The following ARAP3 variants were observed in gnomAD, a reference collection of about 807,000 sequenced individuals.
The protein encoded by ARAP3 is arf-GAP with Rho-GAP domain, ANK repeat and PH domain-containing protein 3.
Under a neutral mutation model 169.2 loss-of-function variants are expected in ARAP3, and 82 were observed. The observed-to-expected ratio is 0.48, with a 90% CI of 0.41 to 0.58. ARAP3 has a LOEUF of 0.58. ARAP3 is among the 20% of genes least tolerant of loss of function. The pLI is 0.00. For missense variants in ARAP3, 1,764 were observed against 2,018.0 expected, an observed-to-expected ratio of 0.87 and a Z score of 2.41; for synonymous variants, 791 against 800.3, an observed-to-expected ratio of 0.99 and a Z score of 0.20.
intron 25 of ARAP3, among the ~76,000 whole-genome samples, chr5:141,657,265 G>C (rs2099909381): frequency 6.6e-6 from 1 of 152,194 alleles, no homozygotes; most frequent in Non-Finnish European, 1.5e-5. Context: ...CAAAATGCAA[G>C]AACAAAGGCT....
intron 32 of ARAP3, 104 bp downstream of exon 32, chr5:141,655,258 A>ACACACACACACC: frequency 9.0e-7 from 1 of 1,109,414 alleles, no homozygotes; most frequent in South Asian, 1.5e-5. Flanking sequence ...ACACACACAC[A>ACACACACACACC]CCCCCTGATG....
intron 16 of ARAP3, among the ~76,000 whole-genome samples, chr5:141,669,298 C>T (rs1225048401): frequency 1.3e-5 from 2 of 152,108 alleles, no homozygotes; most frequent in Non-Finnish European, 2.9e-5. Context: ...GCTTTGCCTC[C>T]GGGCCTGCTG....
rs532450829 is a variant in ARAP3 at position 141,671,638 on chromosome 5, G to A, written c.1786C>T (p.Arg596Ter). The part of the protein sequence containing the change: ...TPGPRGEFIS[R>*]KYRLGLFRKP... ...CGGAAGAGACCCAGACGGTACTTTC[G>A]GGAGATGAACTCTCCCCGGGGGCCA... Residue 596 changes from arginine (R) to a stop codon, truncating the protein, a stop_gained, in exon 12 of 33, where the codon CGA (arginine) becomes TGA (stop). Coordinates refer to ENST00000239440, the MANE Select transcript of ARAP3 (RefSeq NM_022481.6). LOFTEE classifies it high-confidence loss of function. The surrounding 1 kb of genome is among the most constrained non-coding windows in gnomAD (Gnocchi z 4.9). 7.4e-6 allele frequency: 12 copies of A among 1,613,956 alleles called. No homozygotes were observed. Among genetic ancestry groups the A allele is most frequent in the Non-Finnish European group, 9.3e-6 (11 of 1,179,986 alleles).
In ARAP3 at chr5:141,655,609, G is replaced by A; in HGVS notation, c.4110+12C>T. On this transcript the variant is annotated intron_variant, in intron 31 of 32. Coordinates refer to ENST00000239440, the MANE Select transcript of ARAP3 (RefSeq NM_022481.6). ...GACAGGAATCGGGTTGGGGCAGGGT[G>A]GGGTGCCTTACCAGGGTCTGATTGG... is the stretch of plus-strand genomic sequence containing the variant. 6.2e-7 allele frequency: 1 copy of A among 1,614,000 alleles called. No individual in the cohort carries two copies. Among genetic ancestry groups the A allele is most frequent in the Non-Finnish European group, 8.5e-7 (1 of 1,180,008 alleles).
At chr5:141,676,046 T>C (rs1025291648) in intron 4 of ARAP3, among the ~76,000 whole-genome samples, 1 of 152,060 alleles carries the variant, frequency 6.6e-6, no homozygotes, top group African/African-American at 2.4e-5. Context: ...TACAAACCTA[T>C]ATAACATTGC....
chr5:141,679,691 G>T (rs1382417102), intron 3 of ARAP3, 35 bp from the exon 4 acceptor site: 1 of 1,613,874 alleles, frequency 6.2e-7, no homozygotes, highest in Admixed American at 1.7e-5. Flanking sequence ...CAAGGAAGAG[G>T]AGATCGCTGG....
chr5:141,679,910 C>T, intron 2 of ARAP3, 53 bp downstream of exon 2: 1 of 1,612,262 alleles, frequency 6.2e-7, no homozygotes. Flanking sequence ...CCCCCTCATG[C>T]TCTCCTCCCC....
At position 141,673,823 on chromosome 5, in the gene ARAP3, G is replaced by C. The variant is rs1335236174; in HGVS notation, c.699-15C>G. The stretch of plus-strand genomic sequence containing the variant: ...GTCTGCTGAGCCTTGTGGGGGCCAA[G>C]ACAGGGAGGGACACACATTAGACAA... On this transcript the variant is annotated splice_polypyrimidine_tract_variant and intron_variant, in intron 4 of 32. Transcript: ENST00000239440. 3 of 1,612,966 alleles carry C rather than the reference G, an allele frequency of 1.9e-6. No individual in the cohort carries two copies. In the Admixed American group the frequency reaches 5.0e-5, roughly 27 times the overall value.
In ARAP3 at chr5:141,671,957, C is replaced by T. The variant is rs1199152578; in HGVS notation, c.1609G>A (p.Gly537Arg). The T allele has an allele frequency of 1.2e-6, 2 of 1,614,166 alleles. No homozygotes were observed. Among genetic ancestry groups the T allele is most frequent in the East Asian group, 4.5e-5 (2 of 44,884 alleles). ...CAGQHRALGSGISKVQSLKLD... is the reference protein window; with the variant it reads ...CAGQHRALGSRISKVQSLKLD... ...TTCAGGCTCTGCACCTTGGAGATCCCAGAACCCAGGGCCCGGTGCTGACCT... is the reference window on the plus strand; with the variant it reads ...TTCAGGCTCTGCACCTTGGAGATCCTAGAACCCAGGGCCCGGTGCTGACCT... The change falls in exon 11 of 33, where the codon GGG becomes AGG. Residue 537 changes from glycine to arginine, a missense_variant. Transcript: ENST00000239440. The surrounding 1 kb of genome is among the most constrained non-coding windows in gnomAD (Gnocchi z 4.9).
intron 1 of ARAP3, among the ~76,000 whole-genome samples, chr5:141,681,600 G>T (rs13187460): frequency 0.21 from 31,821 of 151,858 alleles, 3,784 homozygotes; most frequent in Middle Eastern, 0.27. Flanking sequence ...CCCTCTCCTT[G>T]TCCCACCCTG....
At chr5:141,660,935 A>G (rs1432152263) in intron 21 of ARAP3, among the ~76,000 whole-genome samples, 1 of 152,222 alleles carries the variant, frequency 6.6e-6, no homozygotes, top group African/African-American at 2.4e-5. Context: ...ATCGCATAAT[A>G]AAACAAAATA....
Position 141,671,361 on chromosome 5 carries a change from T to C in ARAP3, c.1894A>G (p.Asn632Asp), listed in dbSNP as rs368868132. 1.2e-5 allele frequency: 19 copies of C among 1,613,606 alleles called. No homozygotes were observed. The highest frequency in any genetic ancestry group is 1.4e-5 in the Non-Finnish European group (17 of 1,179,748). ...AAVARPNLLK[N>D]MTQLLCVEAF... ...TCAACACAGAGGAGCTGGGTCATGTTCTTCAGCAGGTTGGGTCTTGCCACA... is the reference window on the plus strand; with the variant it reads ...TCAACACAGAGGAGCTGGGTCATGTCCTTCAGCAGGTTGGGTCTTGCCACA... Residue 632 changes from asparagine to aspartate, a missense_variant, in exon 13 of 33, where the codon AAC becomes GAC. By Grantham distance (23) the Asn-to-Asp change is conservative. Coordinates refer to ENST00000239440, the MANE Select transcript of ARAP3 (RefSeq NM_022481.6). This position sits in a 1 kb window ranked among gnomAD's most constrained non-coding sequence, Gnocchi z 4.9.
At position 141,665,045 on chromosome 5, in the gene ARAP3, C is replaced by A. The variant is rs774290934; in HGVS notation, c.2677G>T (p.Ala893Ser). ...LQGEGRLDFTAWNAAIGGAAG... is the reference protein window; with the variant it reads ...LQGEGRLDFTSWNAAIGGAAG... ...GCGCCCCCAATGGCTGCGTTCCATG[C>A]CGTGAAGTCCAGCCGGCCCTCTCCT... Residue 893 changes from alanine (A) to serine (S), a missense_variant, in exon 19 of 33, where the codon GCA becomes TCA. Ala to Ser is a moderately conservative substitution (Grantham distance 99). This residue lies in a region of ARAP3 where 1,112 missense variants were observed against 1,285.7 expected (regional missense o/e 0.86). Transcript: ENST00000239440. The A allele has an allele frequency of 1.9e-6, 3 of 1,613,884 alleles. No individual in the cohort carries two copies. The South Asian group carries it at 3.3e-5, about 18-fold the overall frequency.
rs1562401406 is a variant in ARAP3 at position 141,655,421 on chromosome 5, G to A, written c.4111-21C>T. The A allele has an allele frequency of 3.2e-6, 5 of 1,586,740 alleles. 1 individual carries two copies. Among genetic ancestry groups the A allele is most frequent in the South Asian group, 1.1e-5 (1 of 87,204 alleles). On this transcript the variant is annotated intron_variant, in intron 31 of 32. Coordinates refer to ENST00000239440, the MANE Select transcript of ARAP3 (RefSeq NM_022481.6). ...CGCCGCTGGACACAGGTGGGGTGGG[G>A]ACAAGGGGAAGGAAAGACATAAAGA...
chr5:141,681,426 T>TG (rs2099912952), intron 1 of ARAP3, among the ~76,000 whole-genome samples: 1 of 152,162 alleles, frequency 6.6e-6, no homozygotes, highest in Non-Finnish European at 1.5e-5. Flanking sequence ...CTCATTCCCT[T>TG]GGGCTCAGGT....
intron 25 of ARAP3, among the ~76,000 whole-genome samples, chr5:141,657,252 T>A (rs1455230196): frequency 6.6e-6 from 1 of 152,124 alleles, no homozygotes; most frequent in African/African-American, 2.4e-5. Flanking sequence ...ATTTCAAGCA[T>A]GACAAAATGC....
intron 32 of ARAP3, 104 bp downstream of exon 32, chr5:141,655,258 A>ACACACACAC (rs1491503001): frequency 7.2e-6 from 8 of 1,109,412 alleles, no homozygotes; most frequent in South Asian, 4.4e-5. Context: ...ACACACACAC[A>ACACACACAC]CCCCCTGATG....
At chr5:141,658,254 T>A (rs2154598723) in intron 25 of ARAP3, 111 bp downstream of exon 25, 1 of 1,053,244 alleles carries the variant, frequency 9.5e-7, no homozygotes, top group South Asian at 1.5e-5. Flanking sequence ...GGATGAGTCA[T>A]CCATGAGTTA....
intron 25 of ARAP3, 138 bp downstream of exon 25, chr5:141,658,227 C>T (rs2099909490): frequency 2.5e-6 from 2 of 810,530 alleles, no homozygotes; most frequent in Non-Finnish European, 2.0e-6. Flanking sequence ...GTTGAATGTC[C>T]CCTCGCATGG....
Sources: allele counts gnomAD v4.1 joint callset (sites outside exome capture counted in the v4.1 genomes callset), GRCh38; gene constraint gnomAD v4.1.1; regional missense constraint gnomAD v4.1.1; non-coding constraint Gnocchi (gnomAD v3.1); transcripts MANE v1.5; gene names NCBI Gene and HGNC (gene_info 2026-07-23, HGNC 2026-07-21).